DPP10: variants seen among roughly 807,000 people sequenced by gnomAD.
DPP10 encodes inactive dipeptidyl peptidase 10.
A neutral mutation model predicts 120.9 loss-of-function variants in DPP10; 33 were observed. The observed-to-expected ratio is 0.27, with a 90% CI of 0.21 to 0.37. The LOEUF is 0.37. Ranked by LOEUF, DPP10 falls within the 10% of genes least tolerant of loss-of-function variation. DPP10 has a pLI of 1.00. For missense variants in DPP10, 816 were observed against 942.8 expected (o/e 0.87, Z 1.76); for synonymous variants, 337 against 326.1 (o/e 1.03, Z -0.36).
Position 114,480,722 on chromosome 2 carries a change from G to T in DPP10, c.60+37884G>T, listed in dbSNP as rs1360605810. 5.6e-5 allele frequency among the ~76,000 whole-genome samples: 7 copies of T among 125,526 alleles called. No homozygotes were observed. The East Asian group carries it at 2.1e-3, about 37-fold the overall frequency. 82.3% of individuals were successfully genotyped at this position (125,526 alleles called of 152,430 possible). A position where few individuals can be genotyped will look rare whatever the true frequency, so the allele number is the denominator to read the frequency against. On this transcript the variant is annotated intron_variant, in intron 1 of 25. Transcript: ENST00000410059. ...GGGACTGTTGTGGGGTGGGGGGAGGGGGGAGGGATAGCATTGGGAGATATA... is the reference window on the plus strand; with the variant it reads ...GGGACTGTTGTGGGGTGGGGGGAGGTGGGAGGGATAGCATTGGGAGATATA...
At chr2:115,617,946 CTAATT>C (rs1427108226) in intron 5 of DPP10, among the ~76,000 whole-genome samples, 1 of 152,152 alleles carries the variant, frequency 6.6e-6, no homozygotes, top group East Asian at 1.9e-4. Context: ...GTCTCTCTCT[CTAATT>C]TTATTGTACT....
intron 4 of DPP10, among the ~76,000 whole-genome samples, chr2:115,525,637 A>G (rs907218203): frequency 3.9e-5 from 6 of 152,198 alleles, no homozygotes; most frequent in Admixed American, 3.3e-4. Flanking sequence ...TAATAAAAAT[A>G]TTAACATATT....
At chr2:115,716,445 T>C (rs2092496054) in intron 7 of DPP10, among the ~76,000 whole-genome samples, 2 of 152,208 alleles carry the variant, frequency 1.3e-5, no homozygotes. Context: ...TAGCCAATTC[T>C]ATAGAATCTC....
chr2:115,604,561 C>T (rs889401489), intron 5 of DPP10, among the ~76,000 whole-genome samples: 3 of 152,308 alleles, frequency 2.0e-5, no homozygotes, highest in South Asian at 2.1e-4. Flanking sequence ...TCATGATTCA[C>T]AACTAGTGTC....
At position 114,968,378 on chromosome 2, in the gene DPP10, T is replaced by C. The variant is rs149848282; in HGVS notation, c.61-340861T>C. On this transcript the variant is annotated intron_variant, in intron 1 of 25. Transcript: ENST00000410059. ...AACTTTATATAGACTTCAATTTTAA[T>C]AGGCATATCATTATATTATTAATTT... 2.2e-3 allele frequency among the ~76,000 whole-genome samples: 336 copies of C among 152,318 alleles called. 4 individuals are homozygous for C. The highest frequency in any genetic ancestry group is 7.7e-3 in the African/African-American group (321 of 41,582).
intron 1 of DPP10, among the ~76,000 whole-genome samples, chr2:114,750,341 T>A (rs908001088): frequency 4.0e-5 from 6 of 151,628 alleles, no homozygotes; most frequent in African/African-American, 1.5e-4. Flanking sequence ...TCAATATATT[T>A]TTTTTTTTTT....
chr2:114,729,195 T>G (rs752315365), intron 1 of DPP10, among the ~76,000 whole-genome samples: 1 of 152,244 alleles, frequency 6.6e-6, no homozygotes, highest in Non-Finnish European at 1.5e-5. Context: ...GAGTACCTAA[T>G]GCATTCAACC....
chr2:115,068,465 A>G (rs1707107378), intron 1 of DPP10, among the ~76,000 whole-genome samples: 1 of 151,572 alleles, frequency 6.6e-6, no homozygotes, highest in Non-Finnish European at 1.5e-5. Flanking sequence ...TATGTTTTGG[A>G]TATTAATCTC....
chr2:114,890,148 T>C (rs1032421438), intron 1 of DPP10, among the ~76,000 whole-genome samples: 1 of 152,214 alleles, frequency 6.6e-6, no homozygotes, highest in Non-Finnish European at 1.5e-5. Flanking sequence ...GACACCTGTA[T>C]ATATCCCAGG....
intron 5 of DPP10, among the ~76,000 whole-genome samples, chr2:115,628,961 C>T (rs2085601604): frequency 6.6e-6 from 1 of 152,002 alleles, no homozygotes; most frequent in African/African-American, 2.4e-5. Context: ...GCTATCCTTC[C>T]CCCTTCCCCC....
chr2:114,656,305 G>T (rs1445272593), intron 1 of DPP10, among the ~76,000 whole-genome samples: 1 of 151,964 alleles, frequency 6.6e-6, no homozygotes, highest in Non-Finnish European at 1.5e-5. Flanking sequence ...CAACGAGCTT[G>T]TTGAAATTTT....
intron 3 of DPP10, among the ~76,000 whole-genome samples, chr2:115,456,443 A>G (rs2073551441): frequency 6.6e-6 from 1 of 152,212 alleles, no homozygotes; most frequent in African/African-American, 2.4e-5. Flanking sequence ...CATTTGACCC[A>G]GCAATCCCAT....
At chr2:115,076,065 C>G (rs1417284862) in intron 1 of DPP10, among the ~76,000 whole-genome samples, 1 of 152,098 alleles carries the variant, frequency 6.6e-6, no homozygotes, top group Admixed American at 6.6e-5. Context: ...AGAGACATTT[C>G]TTAACCTCCC....
At chr2:114,931,261 G>C (rs11123261) in intron 1 of DPP10, among the ~76,000 whole-genome samples, 38,114 of 151,992 alleles carry the variant, frequency 0.25, 4,846 homozygotes, top group Middle Eastern at 0.41. Context: ...TAAGGAAAGG[G>C]GTTTTGTATG....
chr2:114,929,960 C>A (rs551816731), intron 1 of DPP10, among the ~76,000 whole-genome samples: 1 of 152,182 alleles, frequency 6.6e-6, no homozygotes, highest in Admixed American at 6.5e-5. Context: ...TCTTCTGCCA[C>A]GGCTTCAGCC....
intron 1 of DPP10, among the ~76,000 whole-genome samples, chr2:114,826,541 A>T (rs890402248): frequency 6.6e-6 from 1 of 151,772 alleles, no homozygotes; most frequent in African/African-American, 2.4e-5. Context: ...AAAATTTTTT[A>T]TTTTTTTTGA....
At chr2:115,370,663 C>T (rs571679860) in intron 3 of DPP10, among the ~76,000 whole-genome samples, 28 of 152,178 alleles carry the variant, frequency 1.8e-4, no homozygotes, top group African/African-American at 6.7e-4. Flanking sequence ...CTTCATCTGC[C>T]TATTTTACTG....
intron 1 of DPP10, among the ~76,000 whole-genome samples, chr2:115,307,964 A>G (rs2061425986): frequency 6.6e-6 from 1 of 152,102 alleles, no homozygotes; most frequent in South Asian, 2.1e-4. Context: ...GAAAAAGTGG[A>G]ATTGATCTCT....
chr2:115,505,668 T>C (rs895107633), intron 4 of DPP10, among the ~76,000 whole-genome samples: 1 of 152,162 alleles, frequency 6.6e-6, no homozygotes, highest in African/African-American at 2.4e-5. Context: ...ATTTTATATA[T>C]TGCTGTCTCC....
Sources: allele counts gnomAD v4.1 joint callset (sites outside exome capture counted in the v4.1 genomes callset), GRCh38; gene constraint gnomAD v4.1.1; transcripts MANE v1.5; gene names NCBI Gene and HGNC (gene_info 2026-07-23, HGNC 2026-07-21).